Variants in TJP1 observed in about 807,000 individuals in gnomAD.
TJP1 encodes tight junction protein 1.
Under a neutral mutation model 194.2 loss-of-function variants are expected in TJP1, and 43 were observed. The ratio of observed to expected loss-of-function variants is 0.22; its 90% CI spans 0.17 to 0.29. The LOEUF is 0.29. TJP1 is among the 10% of genes least tolerant of loss of function. The pLI, the probability that TJP1 is intolerant of heterozygous loss-of-function variation, is 1.00. For missense variants in TJP1, 1,971 were observed against 2,185.7 expected (o/e 0.90, Z 1.96); for synonymous variants, 801 against 779.0 (o/e 1.03, Z -0.47).
chr15:29,930,777 C>T (rs138660537), intron 2 of TJP1, among the ~76,000 whole-genome samples: 50 of 152,220 alleles, frequency 3.3e-4, no homozygotes, highest in African/African-American at 1.1e-3. Context: ...AAGGAAGAGG[C>T]AAGTCTGTCA....
At chr15:29,847,104 GTTTA>G (rs1029820189) in intron 2 of TJP1, among the ~76,000 whole-genome samples, 1 of 151,934 alleles carries the variant, frequency 6.6e-6, no homozygotes, top group Non-Finnish European at 1.5e-5. Context: ...TTGTTTACTT[GTTTA>G]TTTAATTTTT....
intron 1 of TJP1, among the ~76,000 whole-genome samples, chr15:29,814,464 T>C (rs780684746): frequency 6.6e-6 from 1 of 152,284 alleles, no homozygotes; most frequent in Middle Eastern, 3.4e-3. Context: ...AATTTTAAAA[T>C]TACATACTAA....
chr15:29,882,332 G>A (rs999732708), intron 2 of TJP1, among the ~76,000 whole-genome samples: 3 of 152,130 alleles, frequency 2.0e-5, no homozygotes, highest in Admixed American at 6.5e-5. Context: ...CTACAGAGCC[G>A]ACTTTAAATA....
intron 7 of TJP1, 150 bp downstream of exon 7, chr15:29,761,451 G>T: frequency 7.9e-7 from 1 of 1,263,438 alleles, no homozygotes; most frequent in Non-Finnish European, 1.1e-6. Flanking sequence ...GTGGTGAGTT[G>T]TCTACAGGAA....
At chr15:29,731,691 G>C (rs1375390268) in intron 15 of TJP1, among the ~76,000 whole-genome samples, 2 of 152,070 alleles carry the variant, frequency 1.3e-5, no homozygotes, top group African/African-American at 4.8e-5. Flanking sequence ...CATTGAAGAA[G>C]GGAGTTTGAA....
chr15:29,819,460 T>C (rs1222406846), intron 1 of TJP1, among the ~76,000 whole-genome samples: 1 of 152,186 alleles, frequency 6.6e-6, no homozygotes, highest in Non-Finnish European at 1.5e-5. Flanking sequence ...CTTAGAACAA[T>C]ACCTGACATG....
At chr15:29,902,803 C>T (rs868399346) in intron 2 of TJP1, among the ~76,000 whole-genome samples, 3 of 152,162 alleles carry the variant, frequency 2.0e-5, no homozygotes, top group Middle Eastern at 3.4e-3. Context: ...TGGGAGACCA[C>T]GGCGGGTGGA....
intron 2 of TJP1, among the ~76,000 whole-genome samples, chr15:29,955,815 T>C (rs1567233489): frequency 1.4e-5 from 2 of 139,446 alleles, no homozygotes; most frequent in Non-Finnish European, 3.1e-5. Context: ...ATTAACTGAA[T>C]TGGGATCCGT....
At chr15:29,725,542 C>CT (rs1242639440) in intron 18 of TJP1, among the ~76,000 whole-genome samples, 1 of 151,934 alleles carries the variant, frequency 6.6e-6, no homozygotes, top group Non-Finnish European at 1.5e-5. Context: ...ATAACCAAAA[C>CT]TTACTGCACT....
At chr15:29,770,654 T>G (rs1170136286) in intron 4 of TJP1, among the ~76,000 whole-genome samples, 2 of 145,792 alleles carry the variant, frequency 1.4e-5, no homozygotes, top group African/African-American at 5.1e-5. Context: ...CACTCCAGCC[T>G]GGGTGACAGA....
At chr15:29,862,717 G>A (rs1596130501) in intron 2 of TJP1, among the ~76,000 whole-genome samples, 1 of 146,942 alleles carries the variant, frequency 6.8e-6, no homozygotes, top group East Asian at 2.0e-4. Flanking sequence ...GTGCGATCTT[G>A]GCTCACTGCA....
In TJP1 at chr15:29,927,484, A is replaced by C. The variant is rs192827167; in HGVS notation, c.306+28748T>G. ...CATAGAGACACATGCAGATACACAG[A>C]GGTTAAGAGAAAAAGAGGAAAAAAT... On this transcript the variant is annotated intron_variant, in intron 2 of 28. Coordinates refer to the TJP1 transcript ENST00000356107. Among the ~76,000 whole-genome samples the C allele has an allele frequency of 1.4e-4, 22 of 152,346 alleles. No individual in the cohort carries two copies. In the East Asian group the frequency reaches 2.7e-3, roughly 19 times the overall value.
intron 1 of TJP1, among the ~76,000 whole-genome samples, chr15:29,966,819 T>A (rs955503476): frequency 1.3e-5 from 2 of 152,138 alleles, no homozygotes; most frequent in Non-Finnish European, 2.9e-5. Context: ...ATGGGAGATA[T>A]GACTGCTGGT....
At chr15:29,741,006 A>AT (rs980154124) in intron 10 of TJP1, 5,094 of 173,534 alleles carry the variant, frequency 0.029, 5 homozygotes, top group South Asian at 0.055. Flanking sequence ...AGAAACACTG[A>AT]TTTTTTTTTT....
At chr15:29,913,131 A>G (rs1268729835) in intron 2 of TJP1, among the ~76,000 whole-genome samples, 1 of 152,186 alleles carries the variant, frequency 6.6e-6, no homozygotes, top group East Asian at 1.9e-4. Context: ...ACAAACTCAC[A>G]GCAGGTGTGG....
intron 26 of TJP1, among the ~76,000 whole-genome samples, chr15:29,704,584 A>G (rs532894295): frequency 6.6e-6 from 1 of 152,374 alleles, no homozygotes; most frequent in South Asian, 2.1e-4. Flanking sequence ...TTCAACATGT[A>G]ATCAATATAT....
chr15:29,705,614 C>T lies in TJP1; in HGVS notation c.4982G>A (p.Gly1661Glu), dbSNP rs1252721649. 6.2e-7 allele frequency: 1 copy of T among 1,614,190 alleles called. No homozygotes were observed. Among genetic ancestry groups the T allele is most frequent in the Non-Finnish European group, 8.5e-7 (1 of 1,180,042 alleles). ...ETGVSIIIPQ[G>E]AIPEGVEQEI... The stretch of plus-strand genomic sequence containing the variant: ...CTGCTCAACTCCTTCGGGAATGGCT[C>T]CTTGAGGGATAATTATACTAACACC... The change falls in exon 26 of 28, where the codon GGA becomes GAA. Residue 1661 changes from glycine (G) to glutamate (E), a missense_variant. This residue lies in a region of TJP1 where 1,108 missense variants were observed against 1,128.5 expected (regional missense o/e 0.98). Transcript: ENST00000614355.
intron 8 of TJP1, chr15:29,760,367 T>C: frequency 1.5e-6 from 1 of 650,410 alleles, no homozygotes; most frequent in Non-Finnish European, 2.8e-6. Context: ...ACCTTTGGCA[T>C]AAATACTAGT....
At chr15:29,852,769 T>A (rs2152086397) in intron 2 of TJP1, among the ~76,000 whole-genome samples, 1 of 152,070 alleles carries the variant, frequency 6.6e-6, no homozygotes, top group Middle Eastern at 3.4e-3. Flanking sequence ...GCCAGGCATG[T>A]GGTGCATGCC....
Sources: allele counts gnomAD v4.1 joint callset (sites outside exome capture counted in the v4.1 genomes callset), GRCh38; gene constraint gnomAD v4.1.1; regional missense constraint gnomAD v4.1.1; transcripts MANE v1.5; gene names NCBI Gene and HGNC (gene_info 2026-07-23, HGNC 2026-07-21).